GPI: variants seen among roughly 807,000 people sequenced by gnomAD.
GPI encodes the protein glucose-6-phosphate isomerase.
A neutral mutation model predicts 75.8 loss-of-function variants in GPI; 56 were observed. That is an observed-to-expected ratio of 0.74 (90% CI 0.60 to 0.92). The LOEUF is 0.92. GPI is among the 40% of genes least tolerant of loss of function. The pLI is 0.00. For synonymous variants in GPI, 288 were observed against 285.4 expected, an observed-to-expected ratio of 1.01 and a Z score of -0.09; for missense variants, 638 against 741.0, an observed-to-expected ratio of 0.86 and a Z score of 1.61.
intron 9 of GPI, among the ~76,000 whole-genome samples, chr19:34,391,785 G>T (rs1019064652): frequency 7.3e-4 from 1 of 1,376 alleles, no homozygotes; most frequent in African/African-American, 9.8e-3. Context: ...ATCTTCTAGT[G>T]TCTGAGGAGG....
upstream of GPI, among the ~76,000 whole-genome samples, chr19:34,362,155 C>T (rs1409510582): frequency 1.4e-5 from 2 of 143,052 alleles, no homozygotes; most frequent in Admixed American, 7.1e-5. Context: ...GGTGAGGTGG[C>T]GGGTGCCTGT....
intron 6 of GPI, among the ~76,000 whole-genome samples, 180 bp from the exon 7 acceptor site, chr19:34,378,754 C>A (rs1228710680): frequency 6.6e-6 from 1 of 152,114 alleles, no homozygotes; most frequent in African/African-American, 2.4e-5. Flanking sequence ...TACCGTCCCC[C>A]CTCCTCTGGT....
chr19:34,380,085 C>T (rs903186907), intron 8 of GPI, among the ~76,000 whole-genome samples: 2 of 148,190 alleles, frequency 1.3e-5, no homozygotes, highest in African/African-American at 5.1e-5. Flanking sequence ...CAACCTCTGC[C>T]TTCCAGGTTC....
Position 34,393,154 on chromosome 19 carries a change from C to A in GPI, c.805-94C>A, listed in dbSNP as rs760246958. 6 of 1,000,574 alleles carry A rather than the reference C, an allele frequency of 6.0e-6. No homozygotes were observed. The highest frequency in any genetic ancestry group is 2.5e-5 in the South Asian group (2 of 78,704). The allele number at this position is 1,000,574 out of a possible 1,614,324, so 62.0% of individuals were successfully genotyped here. A position where few individuals can be genotyped will look rare whatever the true frequency, so the allele number is the denominator to read the frequency against. ...TGGGTTGGGCCAGGGCCCTCCGAGA[C>A]GCCCCTGTGCAAGACCAGGGACAGG... On this transcript the variant is annotated intron_variant, in intron 9 of 17. Transcript: ENST00000356487. This position sits in a 1 kb window ranked among gnomAD's most constrained non-coding sequence, Gnocchi z 4.4.
upstream of GPI, among the ~76,000 whole-genome samples, chr19:34,363,153 A>G (rs961751479): frequency 6.6e-6 from 1 of 152,184 alleles, no homozygotes; most frequent in Non-Finnish European, 1.5e-5. Context: ...CTACAAGGAA[A>G]AAATTAGCTG....
chr19:34,399,444 G>A (rs2074990225), intron 15 of GPI, 109 bp downstream of exon 15: 4 of 1,569,824 alleles, frequency 2.5e-6, no homozygotes, highest in Non-Finnish European at 1.8e-6. Context: ...CAGAATGGGA[G>A]GGCCTGTCCT....
upstream of GPI, chr19:34,365,066 G>A: frequency 1.3e-6 from 2 of 1,485,520 alleles, no homozygotes; most frequent in South Asian, 1.3e-5. Context: ...CGCGGGCAAG[G>A]TCGCTCAGCG....
rs563993743 is a variant in GPI, at chr19:34,365,472, C to G, written c.122+84C>G. On this transcript the variant is annotated intron_variant, in intron 1 of 17. Coordinates refer to ENST00000356487, the MANE Select transcript of GPI (RefSeq NM_000175.5). ...GCCTGGGGTCTGGAGGCGGGGGCAGCGGTGCCCGGGGACCCCAGTCCCCGA... is the reference window on the plus strand; with the variant it reads ...GCCTGGGGTCTGGAGGCGGGGGCAGGGGTGCCCGGGGACCCCAGTCCCCGA... 7.3e-5 allele frequency: 110 copies of G among 1,503,730 alleles called. 1 individual carries two copies. In the African/African-American group the frequency reaches 1.4e-3, roughly 19 times the overall value. 93.1% of individuals were successfully genotyped at this position (1,503,730 alleles called of 1,614,324 possible). A position where few individuals can be genotyped will look rare whatever the true frequency, so the allele number is the denominator to read the frequency against.
chr19:34,365,189 G>A, upstream of GPI: 2 of 1,327,034 alleles, frequency 1.5e-6, no homozygotes, highest in East Asian at 3.1e-5. Context: ...GCGCGCCCAC[G>A]CGCCTCGCTT....
intron 3 of GPI, 32 bp downstream of exon 3, chr19:34,366,883 C>T (rs1228170241): frequency 7.0e-7 from 1 of 1,436,548 alleles, no homozygotes; most frequent in Admixed American, 1.7e-5. Context: ...TCTGGGGCCT[C>T]CTTCCTTCCC....
Position 34,396,312 on chromosome 19 carries a change from G to A in GPI, c.1074G>A (p.Glu358=). ...TGTTCCTTTTCCAGGGCGACATGGA[G>A]TCCAATGGGAAATACATCACCAAAT... is the stretch of plus-strand genomic sequence containing the variant. ...FAAYFQQGDM[E]SNGKYITKSG... Residue 358 remains glutamate (E), a synonymous_variant, in exon 13 of 18, where the codon GAG becomes GAA. Coordinates refer to ENST00000356487, the MANE Select transcript of GPI (RefSeq NM_000175.5). 6.2e-7 allele frequency: 1 copy of A among 1,614,180 alleles called. No individual in the cohort carries two copies. Among genetic ancestry groups the A allele is most frequent in the Non-Finnish European group, 8.5e-7 (1 of 1,180,016 alleles).
At chr19:34,381,132 T>A (rs1470679541) in intron 8 of GPI, 1 of 424,232 alleles carries the variant, frequency 2.4e-6, no homozygotes, top group African/African-American at 2.0e-5. Context: ...GGTATCATGC[T>A]CTGGTGTCCC....
intron 4 of GPI, among the ~76,000 whole-genome samples, chr19:34,375,922 G>A (rs1182713523): frequency 6.6e-6 from 1 of 152,204 alleles, no homozygotes; most frequent in Admixed American, 6.5e-5. Context: ...TTGGAGACTG[G>A]CTGCGGGTCT....
At chr19:34,379,648 G>C in intron 8 of GPI, 86 bp downstream of exon 8, 2 of 1,103,268 alleles carry the variant, frequency 1.8e-6, no homozygotes, top group Non-Finnish European at 2.8e-6. Flanking sequence ...GCGGTTCGTA[G>C]GTCTGGTGGA....
intron 4 of GPI, among the ~76,000 whole-genome samples, chr19:34,373,422 T>G (rs1599815411): frequency 1.3e-5 from 2 of 149,170 alleles, no homozygotes; most frequent in South Asian, 4.3e-4. Flanking sequence ...CTGGGCATGG[T>G]GGTGCATGCC....
intron 7 of GPI, 35 bp downstream of exon 7, chr19:34,379,040 C>T (rs1473306473): frequency 6.3e-7 from 1 of 1,579,858 alleles, no homozygotes; most frequent in East Asian, 2.2e-5. Context: ...CGTGGTTAGC[C>T]TCTGGGCTGG....
intron 9 of GPI, among the ~76,000 whole-genome samples, chr19:34,390,128 T>A (rs2074799849): frequency 6.6e-6 from 1 of 151,418 alleles, no homozygotes. Flanking sequence ...ACCTGAGGAG[T>A]TGGGAATGGG....
At chr19:34,390,831 A>G (rs112421221) in intron 9 of GPI, among the ~76,000 whole-genome samples, 16 of 139,216 alleles carry the variant, frequency 1.1e-4, no homozygotes, top group African/African-American at 3.9e-4. Flanking sequence ...TGGGTCTTCC[A>G]GTGTCTGAGG....
At chr19:34,385,542 C>T (rs1475084173) in intron 9 of GPI, among the ~76,000 whole-genome samples, 2 of 152,010 alleles carry the variant, frequency 1.3e-5, no homozygotes, top group East Asian at 1.9e-4. Context: ...GAGTTAAACA[C>T]AGGTGTGTAG....
Sources: allele counts gnomAD v4.1 joint callset (sites outside exome capture counted in the v4.1 genomes callset), GRCh38; gene constraint gnomAD v4.1.1; non-coding constraint Gnocchi (gnomAD v3.1); transcripts MANE v1.5; gene names NCBI Gene and HGNC (gene_info 2026-07-23, HGNC 2026-07-21).